ACSS2: variants seen among roughly 807,000 people sequenced by gnomAD.
The protein encoded by ACSS2 is acyl-CoA synthetase short chain family member 2.
ACSS2 carries 58 observed loss-of-function variants against 90.6 expected under a neutral mutation model. The ratio of observed to expected loss-of-function variants is 0.64; its 90% confidence interval spans 0.52 to 0.80. The LOEUF (loss-of-function observed/expected upper bound fraction) is 0.80. Ranked by LOEUF, ACSS2 falls within the 30% of genes least tolerant of loss-of-function variation. ACSS2 has a pLI of 0.00. For synonymous variants in ACSS2, 300 were observed against 330.9 expected (o/e 0.91, Z 1.01); for missense variants, 759 against 912.0 (o/e 0.83, Z 2.16).
chr20:34,916,278 G>C (rs1743445911), intron 7 of ACSS2, among the ~76,000 whole-genome samples: 2 of 152,168 alleles, frequency 1.3e-5, no homozygotes, highest in African/African-American at 4.8e-5. Context: ...TCAAATCCTG[G>C]CTCTGCCATC....
chr20:34,879,826 TATC>T (rs1438570012), intron 1 of ACSS2, among the ~76,000 whole-genome samples: 1 of 152,244 alleles, frequency 6.6e-6, no homozygotes, highest in Non-Finnish European at 1.5e-5. Flanking sequence ...TGCCTACTAT[TATC>T]ACTTGAAAAT....
intron 2 of ACSS2, among the ~76,000 whole-genome samples, chr20:34,900,782 A>G (rs1451174754): frequency 2.0e-5 from 3 of 152,226 alleles, no homozygotes; most frequent in African/African-American, 4.8e-5. Flanking sequence ...ACCAAACAGA[A>G]TGATGAATTT....
chr20:34,927,377 T>A lies in ACSS2; in HGVS notation c.*163T>A. On this transcript the variant is annotated 3_prime_UTR_variant, in exon 18 of 18. Transcript: ENST00000360596. The surrounding 1 kb of genome is among the most constrained non-coding windows in gnomAD (Gnocchi z 4.2). ...TTGTCTCCAGGTAGAGACAACATCC[T>A]GTGACTGCCAGGCAGAAAGGACAGG... is the stretch of plus-strand genomic sequence containing the variant. 1.1e-6 allele frequency: 1 copy of A among 935,300 alleles called. No individual in the cohort carries two copies. Among genetic ancestry groups the A allele is most frequent in the Non-Finnish European group, 1.6e-6 (1 of 617,744 alleles). 57.9% of individuals were successfully genotyped at this position (935,300 alleles called of 1,614,324 possible). A position where few individuals can be genotyped will look rare whatever the true frequency, so the allele number is the denominator to read the frequency against.
chr20:34,878,581 A>T (rs1030303916), intron 1 of ACSS2, among the ~76,000 whole-genome samples: 9 of 152,240 alleles, frequency 5.9e-5, no homozygotes, highest in Admixed American at 6.5e-5. Context: ...GGATTCAATC[A>T]AGTGTAAAGT....
chr20:34,926,834 G>A (rs763878184), intron 16 of ACSS2, 43 bp from the exon 17 acceptor site: 12 of 1,607,856 alleles, frequency 7.5e-6, no homozygotes, highest in Non-Finnish European at 2.6e-6. Context: ...GAAAAGTCTG[G>A]CTAAGGGTGC....
chr20:34,880,887 C>G (rs2080056220), intron 1 of ACSS2, among the ~76,000 whole-genome samples: 1 of 151,964 alleles, frequency 6.6e-6, no homozygotes, highest in Admixed American at 6.6e-5. Context: ...TGTATAAGCT[C>G]TAAATTGTGT....
chr20:34,899,423 T>TTTCC (rs71196768), intron 2 of ACSS2, among the ~76,000 whole-genome samples: 6,737 of 112,994 alleles, frequency 0.06, 312 homozygotes, highest in Admixed American at 0.12. Context: ...TCTTTCTTTC[T>TTTCC]TTCCTTCCTT....
chr20:34,876,105 C>T (rs2079900635), upstream of ACSS2, among the ~76,000 whole-genome samples: 1 of 152,142 alleles, frequency 6.6e-6, no homozygotes, highest in African/African-American at 2.4e-5. Flanking sequence ...GGGGCGGCTC[C>T]GCGATGGACC....
chr20:34,918,297 A>G (rs2081120855), intron 7 of ACSS2, among the ~76,000 whole-genome samples: 1 of 152,240 alleles, frequency 6.6e-6, no homozygotes, highest in South Asian at 2.1e-4. Context: ...CCAAGGTCAT[A>G]TAGCTAGGAA....
chr20:34,920,411 G>T (rs1481952277), intron 8 of ACSS2, 128 bp from the exon 9 acceptor site: 12 of 807,304 alleles, frequency 1.5e-5, no homozygotes, highest in Non-Finnish European at 2.3e-5. Context: ...GGAGATGGAT[G>T]CTGTGAAAAG....
upstream of ACSS2, chr20:34,876,605 C>T (rs1270422405): frequency 3.9e-6 from 5 of 1,296,576 alleles, no homozygotes; most frequent in African/African-American, 4.6e-5. Flanking sequence ...CGGCACCCGC[C>T]GCGACCGCAA....
At position 34,914,143 on chromosome 20, in the gene ACSS2, G is replaced by T; in HGVS notation, c.691G>T (p.Asp231Tyr). ...GCTTGTGAACCTGAAGGAGCTGGCT[G>T]ACGAGGCCCTGCAGAAGTGTCAGGA... ...EKLVNLKELA[D>Y]EALQKCQEKG... Residue 231 changes from aspartate (D) to tyrosine (Y), a missense_variant, in exon 6 of 18, where the codon GAC (aspartate) becomes TAC (tyrosine). By Grantham distance (160) the Asp-to-Tyr change is radical (BLOSUM62 -3). Transcript: ENST00000360596. 1 of 1,614,212 alleles carries T rather than the reference G, an allele frequency of 6.2e-7. No individual in the cohort carries two copies. The highest frequency in any genetic ancestry group is 8.5e-7 in the Non-Finnish European group (1 of 1,180,026).
At chr20:34,892,186 A>G (rs1601304054) in intron 2 of ACSS2, among the ~76,000 whole-genome samples, 2 of 152,294 alleles carry the variant, frequency 1.3e-5, no homozygotes, top group East Asian at 3.9e-4. Context: ...GAGAGGAGGA[A>G]CTGGCCTCCT....
intron 2 of ACSS2, among the ~76,000 whole-genome samples, chr20:34,893,236 C>G (rs1422103267): frequency 6.6e-6 from 1 of 151,930 alleles, no homozygotes; most frequent in East Asian, 1.9e-4. Context: ...TTGTCTCACT[C>G]TGTTGCTCAG....
intron 1 of ACSS2, among the ~76,000 whole-genome samples, chr20:34,881,443 A>T (rs1364878593): frequency 1.3e-5 from 2 of 152,286 alleles, no homozygotes; most frequent in East Asian, 3.9e-4. Context: ...ATATTTTAAG[A>T]ATGTAAATTT....
intron 14 of ACSS2, among the ~76,000 whole-genome samples, chr20:34,924,626 T>C (rs2147107817): frequency 2.6e-5 from 4 of 152,244 alleles, no homozygotes; most frequent in African/African-American, 9.6e-5. Flanking sequence ...GGGAGGGTCT[T>C]GTGGGCCATG....
chr20:34,906,955 G>C (rs1163728752), intron 2 of ACSS2, among the ~76,000 whole-genome samples: 5 of 129,162 alleles, frequency 3.9e-5, no homozygotes, highest in Non-Finnish European at 6.2e-5. Flanking sequence ...TTGCACTCCA[G>C]CCTGGGTGAC....
At chr20:34,904,257 G>A (rs1312810485) in intron 2 of ACSS2, among the ~76,000 whole-genome samples, 1 of 151,310 alleles carries the variant, frequency 6.6e-6, no homozygotes, top group Non-Finnish European at 1.5e-5. Flanking sequence ...TTAATGTGGT[G>A]ATCAAAGATA....
chr20:34,915,245 G>T (rs2081053513), intron 7 of ACSS2: 3 of 1,613,802 alleles, frequency 1.9e-6, no homozygotes, highest in Non-Finnish European at 2.5e-6. Context: ...ATCCAAGCGT[G>T]TTCAGCCCCA....
Sources: gnomAD v4.1 joint callset for allele counts (sites outside exome capture counted in the v4.1 genomes callset) on GRCh38, gnomAD v4.1.1 for gene constraint, Gnocchi (gnomAD v3.1) non-coding constraint, MANE v1.5 for transcripts, NCBI Gene and HGNC (gene_info 2026-07-23, HGNC 2026-07-21) for gene names.